Variants in CFI observed in about 807,000 individuals in gnomAD.
CFI encodes C3B/C4B inactivator.
A neutral mutation model predicts 78.8 loss-of-function variants in CFI; 66 were observed. The observed-to-expected ratio is 0.84, with a 90% CI of 0.69 to 1.03. The LOEUF is 1.03. Ranked by LOEUF, CFI falls within the 50% of genes least tolerant of loss-of-function variation. The pLI is 0.00. For synonymous variants in CFI, 250 were observed against 232.6 expected, an observed-to-expected ratio of 1.07 and a Z score of -0.68; for missense variants, 706 against 704.5, an observed-to-expected ratio of 1.00 and a Z score of -0.02.
At chr4:109,799,770 C>A (rs1007602060) in intron 1 of CFI, among the ~76,000 whole-genome samples, 1 of 151,416 alleles carries the variant, frequency 6.6e-6, no homozygotes, top group Non-Finnish European at 1.5e-5. Flanking sequence ...TTTTTAATGA[C>A]AATGTGTGAA....
rs1257876320 is a variant in CFI, at chr4:109,783,947, T to C, written c.58-17123A>G. ...AGTAACTCAGGAATGGAAAACCAAA[T>C]ATCGTACGTTCTCACTGATATGTGG... On this transcript the variant is annotated intron_variant, in intron 1 of 12. Coordinates refer to ENST00000394634, the MANE Select transcript of CFI (RefSeq NM_000204.5). Among the ~76,000 whole-genome samples the C allele has an allele frequency of 2.6e-5, 4 of 151,066 alleles. No homozygotes were observed. The Admixed American group carries it at 2.7e-4, about 10-fold the overall frequency.
At chr4:109,772,066 C>T (rs1178873290) in intron 1 of CFI, among the ~76,000 whole-genome samples, 1 of 152,166 alleles carries the variant, frequency 6.6e-6, no homozygotes, top group African/African-American at 2.4e-5. Context: ...GATAACATTA[C>T]CATTTTAAAT....
rs1726154250 is a variant in CFI, at chr4:109,756,424, CAAG to C, written c.904+1336_904+1338del. On this transcript the variant is annotated intron_variant, in intron 7 of 12. Transcript: ENST00000394634. ...AGAAAAGAAGAAGAGAAAAGAGGAA[CAAG>C]AAGAAGAGGAAGAAGGAGGAGGAGG... Among the ~76,000 whole-genome samples, 5 of 145,708 alleles carry C rather than the reference CAAG, an allele frequency of 3.4e-5. No homozygotes were observed. The East Asian group carries it at 1.0e-3, about 29-fold the overall frequency.
At chr4:109,757,966 C>G (rs1265519995) in intron 6 of CFI, 183 bp from the exon 7 acceptor site, 2 of 1,454,120 alleles carry the variant, frequency 1.4e-6, no homozygotes, top group African/African-American at 1.4e-5. Flanking sequence ...GCTGCTAAAA[C>G]AAAAAACAAA....
chr4:109,783,502 A>G (rs1185947936), intron 1 of CFI, among the ~76,000 whole-genome samples: 6 of 152,082 alleles, frequency 3.9e-5, no homozygotes, highest in Non-Finnish European at 8.8e-5. Flanking sequence ...AAGAATGGCC[A>G]TAATAAAAAA....
intron 1 of CFI, among the ~76,000 whole-genome samples, chr4:109,801,255 C>T (rs1468245747): frequency 6.6e-6 from 1 of 152,180 alleles, no homozygotes; most frequent in Non-Finnish European, 1.5e-5. Context: ...GCATTGCTGC[C>T]TTCCTATGGT....
At chr4:109,768,726 C>G (rs1728174948) in intron 1 of CFI, among the ~76,000 whole-genome samples, 1 of 152,222 alleles carries the variant, frequency 6.6e-6, no homozygotes, top group South Asian at 2.1e-4. Context: ...CCCGCTCCTT[C>G]CTCAGTGCCC....
chr4:109,796,800 C>T (rs1732113020), intron 1 of CFI, among the ~76,000 whole-genome samples: 1 of 152,054 alleles, frequency 6.6e-6, no homozygotes, highest in Admixed American at 6.6e-5. Context: ...CTGTCTTTAA[C>T]AAAACAAAAC....
chr4:109,791,799 A>G (rs146742641), intron 1 of CFI, among the ~76,000 whole-genome samples: 2 of 152,092 alleles, frequency 1.3e-5, no homozygotes, highest in Non-Finnish European at 2.9e-5. Flanking sequence ...TAATGTAGGC[A>G]TTTACTGCTA....
At chr4:109,788,345 A>C (rs1730997260) in intron 1 of CFI, among the ~76,000 whole-genome samples, 1 of 152,252 alleles carries the variant, frequency 6.6e-6, no homozygotes, top group Non-Finnish European at 1.5e-5. Flanking sequence ...CCCATCATCA[A>C]TATATGAGAA....
chr4:109,786,570 T>C (rs947851721), intron 1 of CFI, among the ~76,000 whole-genome samples: 1 of 152,010 alleles, frequency 6.6e-6, no homozygotes, highest in African/African-American at 2.4e-5. Context: ...ATTTAACCTA[T>C]AAACAAGAAA....
In CFI at chr4:109,774,100, T is replaced by C. The variant is rs193286371; in HGVS notation, c.58-7276A>G. The stretch of plus-strand genomic sequence containing the variant: ...AAAAATCTTTACTAATATTTAAACA[T>C]AGATTATCACTTGGGCCTATATTCA... On this transcript the variant is annotated intron_variant, in intron 1 of 12. Coordinates refer to ENST00000394634, the MANE Select transcript of CFI (RefSeq NM_000204.5). Among the ~76,000 whole-genome samples, 815 of 152,356 alleles carry C rather than the reference T, an allele frequency of 5.3e-3. 7 individuals are homozygous for C. Among genetic ancestry groups the C allele is most frequent in the African/African-American group, 0.019 (781 of 41,590 alleles).
At chr4:109,740,348 AAGAG>A (rs975974037), downstream of CFI, among the ~76,000 whole-genome samples, 9 of 151,220 alleles carry the variant, frequency 6.0e-5, no homozygotes, top group Non-Finnish European at 8.8e-5. Context: ...AAGAGAGAGA[AAGAG>A]AGAAAGAAAG....
chr4:109,760,146 C>T (rs1271884029), intron 6 of CFI, 124 bp downstream of exon 6: 1 of 732,538 alleles, frequency 1.4e-6, no homozygotes, highest in Non-Finnish European at 2.5e-6. Context: ...CTGCAAATGC[C>T]CACTCAGTGT....
chr4:109,799,201 TGC>T (rs1224900046), intron 1 of CFI, among the ~76,000 whole-genome samples: 1 of 152,186 alleles, frequency 6.6e-6, no homozygotes, highest in Non-Finnish European at 1.5e-5. Flanking sequence ...CATGCTTTGG[TGC>T]TCTGTTGTGT....
At position 109,756,970 on chromosome 4, in the gene CFI, A is replaced by G. The variant is rs188396917; in HGVS notation, c.904+793T>C. ...GAAAGAAAGAAAGAAAGAAAGAAAG[A>G]AAGAAAGAAATTCTGAGGAGGATCA... On this transcript the variant is annotated intron_variant, in intron 7 of 12. Transcript: ENST00000394634. Among the ~76,000 whole-genome samples, 143 of 139,868 alleles carry G rather than the reference A, an allele frequency of 1.0e-3. 2 individuals carry two copies. Among genetic ancestry groups the G allele is most frequent in the African/African-American group, 3.6e-3 (135 of 37,884 alleles). The allele number at this position is 139,868 out of a possible 152,430, so 91.8% of individuals were successfully genotyped here.
In CFI at chr4:109,749,527, C is replaced by A. The variant is rs773085612; in HGVS notation, c.1016G>T (p.Arg339Leu). ...VKNRMHIRRK[R>L]IVGGKRAQLG... ...TTGTGCTCGCTTTCCTCCCACAATTCGTTTCCTTCGAATGTGCATTCTGTT... is the reference window on the plus strand; with the variant it reads ...TTGTGCTCGCTTTCCTCCCACAATTAGTTTCCTTCGAATGTGCATTCTGTT... The change falls in exon 9 of 13, where the codon CGA becomes CTA. Residue 339 changes from arginine to leucine, a missense_variant. Arg to Leu is a moderately radical substitution (Grantham distance 102, BLOSUM62 -2). Coordinates refer to ENST00000394634, the MANE Select transcript of CFI (RefSeq NM_000204.5). The A allele has an allele frequency of 3.1e-6, 5 of 1,613,640 alleles. No homozygotes were observed. The highest frequency in any genetic ancestry group is 4.2e-6 in the Non-Finnish European group (5 of 1,179,576).
chr4:109,763,793 C>A (rs1727377944), intron 3 of CFI, among the ~76,000 whole-genome samples: 1 of 151,724 alleles, frequency 6.6e-6, no homozygotes, highest in Non-Finnish European at 1.5e-5. Context: ...CAGGGATATT[C>A]TCTAACCACA....
At chr4:109,762,814 C>T (rs1417203976) in intron 3 of CFI, among the ~76,000 whole-genome samples, 1 of 152,134 alleles carries the variant, frequency 6.6e-6, no homozygotes, top group African/African-American at 2.4e-5. Context: ...CCATCTTCTT[C>T]CTCAATGAGT....
Sources: allele counts gnomAD v4.1 joint callset (sites outside exome capture counted in the v4.1 genomes callset), GRCh38; gene constraint gnomAD v4.1.1; transcripts MANE v1.5; gene names NCBI Gene and HGNC (gene_info 2026-07-23, HGNC 2026-07-21).